TENM1: variants seen among roughly 807,000 people sequenced by gnomAD.
The protein encoded by TENM1 is teneurin-1.
A neutral mutation model predicts 174.8 loss-of-function variants in TENM1; 35 were observed. The ratio of observed to expected loss-of-function variants is 0.20; its 90% CI spans 0.15 to 0.27. The LOEUF (loss-of-function observed/expected upper bound fraction) is 0.27. Among genes scored for constraint, TENM1 ranks in the 10% least tolerant of loss-of-function variants. TENM1 has a pLI of 1.00. For synonymous variants in TENM1, 781 were observed against 798.7 expected (o/e 0.98, Z 0.37); for missense variants, 1,633 against 2,130.1 (o/e 0.77, Z 4.59).
the TENM1 span, among the ~76,000 whole-genome samples, chrX:125,113,316 C>G: frequency 9.0e-6 from 1 of 110,970 alleles, no homozygotes; most frequent in Non-Finnish European, 1.9e-5. Context: ...CTGTCATGAT[C>G]TTGGAATATG....
intron 23 of TENM1, among the ~76,000 whole-genome samples, chrX:124,436,978 TC>T (rs1463443776): frequency 2.4e-5 from 2 of 85,017 alleles, no homozygotes; most frequent in Non-Finnish European, 4.4e-5. Context: ...TCTTGCTCTA[TC>T]CCCCAGGCTG....
intron 19 of TENM1, among the ~76,000 whole-genome samples, chrX:124,499,009 C>T (rs1045877741): frequency 1.3e-4 from 14 of 111,832 alleles, no homozygotes; most frequent in African/African-American, 4.5e-4. Context: ...ACAAGTACTG[C>T]TGTGCTAAAT....
At chrX:124,415,693 G>T (rs1488644153) in intron 25 of TENM1, among the ~76,000 whole-genome samples, 1 of 111,405 alleles carries the variant, frequency 9.0e-6, no homozygotes, top group African/African-American at 3.3e-5. Flanking sequence ...GTTTCTCATA[G>T]CTTAGTGGCT....
chrX:124,510,062 T>C (rs2047547368), intron 18 of TENM1, among the ~76,000 whole-genome samples: 1 of 112,430 alleles, frequency 8.9e-6, no homozygotes, highest in African/African-American at 3.2e-5. Context: ...CCCTAATAAT[T>C]ACCACAAAAT....
the TENM1 span, among the ~76,000 whole-genome samples, chrX:125,153,262 T>C: frequency 4.5e-5 from 5 of 111,692 alleles, no homozygotes; most frequent in African/African-American, 1.6e-4. Context: ...TTTTAAAAAA[T>C]CACTTACTGC....
At chrX:124,787,368 C>G (rs1414317213) in intron 3 of TENM1, among the ~76,000 whole-genome samples, 3 of 105,481 alleles carry the variant, frequency 2.8e-5, no homozygotes, top group African/African-American at 1.1e-4. Flanking sequence ...AGTTTACCCT[C>G]TTGTAAATCT....
the TENM1 span, among the ~76,000 whole-genome samples, chrX:125,174,751 T>A: frequency 9.0e-6 from 1 of 111,307 alleles, no homozygotes; most frequent in African/African-American, 3.3e-5. Flanking sequence ...AGAAAACAGA[T>A]CAGATTTAAA....
the TENM1 span, among the ~76,000 whole-genome samples, chrX:124,974,335 C>T: frequency 9.0e-6 from 1 of 111,644 alleles, no homozygotes; most frequent in Admixed American, 9.6e-5. Context: ...CACATTCAAA[C>T]CATAACAATG....
chrX:125,133,970 C>T, the TENM1 span, among the ~76,000 whole-genome samples: 4 of 110,794 alleles, frequency 3.6e-5, no homozygotes, highest in African/African-American at 1.3e-4. Flanking sequence ...AGTTGGTTTC[C>T]TCAGTTGTAA....
At chrX:125,167,608 G>C in the TENM1 span, among the ~76,000 whole-genome samples, 1 of 111,257 alleles carries the variant, frequency 9.0e-6, no homozygotes, top group Non-Finnish European at 1.9e-5. Flanking sequence ...GATTTGGTGT[G>C]AGAAGACCTA....
the TENM1 span, among the ~76,000 whole-genome samples, chrX:125,186,867 A>G: frequency 8.9e-6 from 1 of 112,184 alleles, no homozygotes; most frequent in Non-Finnish European, 1.9e-5. Context: ...GCTATTATAT[A>G]ATGATCCCTA....
chrX:125,149,389 T>C, the TENM1 span, among the ~76,000 whole-genome samples: 1,135 of 112,172 alleles, frequency 0.01, 15 homozygotes, highest in African/African-American at 0.035. Context: ...CTATAGGTCT[T>C]GTTTCACCAG....
At chrX:124,450,074 T>C (rs781436804) in intron 23 of TENM1, among the ~76,000 whole-genome samples, 1 of 110,601 alleles carries the variant, frequency 9.0e-6, no homozygotes, top group Non-Finnish European at 1.9e-5. Context: ...TGGGAGGTGA[T>C]TGAATTATGG....
chrX:124,422,866 A>G (rs1452880829), intron 23 of TENM1, among the ~76,000 whole-genome samples: 1 of 111,908 alleles, frequency 8.9e-6, no homozygotes, highest in Non-Finnish European at 1.9e-5. Context: ...AATTTTTTCC[A>G]ATAATTTCAG....
chrX:125,186,601 ACT>A, the TENM1 span, among the ~76,000 whole-genome samples: 14 of 99,913 alleles, frequency 1.4e-4, no homozygotes, highest in Admixed American at 1.1e-4. Context: ...CCTGGCACAC[ACT>A]CTCTCTCTCT....
the TENM1 span, among the ~76,000 whole-genome samples, chrX:124,973,298 A>G: frequency 7.2e-5 from 8 of 111,470 alleles, no homozygotes; most frequent in Non-Finnish European, 1.3e-4. Flanking sequence ...GCTGTTTTGG[A>G]TACTGTAGCC....
chrX:125,172,176 CA>C, the TENM1 span, among the ~76,000 whole-genome samples: 1 of 111,462 alleles, frequency 9.0e-6, no homozygotes, highest in African/African-American at 3.3e-5. Context: ...AAGTTGGAAT[CA>C]TGAACCTTGG....
At chrX:124,503,451 G>T in intron 19 of TENM1, 109 bp downstream of exon 22, 1 of 682,544 alleles carries the variant, frequency 1.5e-6, no homozygotes, top group Non-Finnish European at 2.2e-6. Flanking sequence ...TCTCTAAGTA[G>T]TATTCTCACA....
chrX:124,524,000 G>A (rs762649465), intron 16 of TENM1, among the ~76,000 whole-genome samples: 1 of 107,006 alleles, frequency 9.3e-6, no homozygotes, highest in Non-Finnish European at 1.9e-5. Flanking sequence ...TCAGCCTCCC[G>A]AGTAGCTGGG....
Sources: gnomAD v4.1 joint callset for allele counts (sites outside exome capture counted in the v4.1 genomes callset) on GRCh38, gnomAD v4.1.1 for gene constraint, MANE v1.5 for transcripts, NCBI Gene and HGNC (gene_info 2026-07-23, HGNC 2026-07-21) for gene names.